GEM: variants seen among roughly 807,000 people sequenced by gnomAD.
GEM encodes the protein GTP-binding protein GEM.
Under a neutral mutation model 33.0 loss-of-function variants are expected in GEM, and 31 were observed. That is an observed-to-expected ratio of 0.94 (90% CI 0.71 to 1.27). The LOEUF (loss-of-function observed/expected upper bound fraction) is 1.27, where lower values mean the gene tolerates loss of function less well. Ranked by LOEUF, GEM falls within the 50% of genes most tolerant of loss-of-function variation. The probability of loss-of-function intolerance (pLI) is 0.00; values close to 1 mark genes in which losing one functional copy is unlikely to be tolerated. For synonymous variants in GEM, 141 were observed against 143.7 expected, an observed-to-expected ratio of 0.98 and a Z score of 0.13; for missense variants, 354 against 390.5, an observed-to-expected ratio of 0.91 and a Z score of 0.79.
chr8:94,262,278 C>A lies in GEM; in HGVS notation c.-198G>T, dbSNP rs572301256. ...GCGCTGGGATACCCGGGCCAACGAG[C>A]GGGGAGTGCTGCGCTGTGCCCGCCG... On this transcript the variant is annotated 5_prime_UTR_variant, in exon 1 of 5. Coordinates refer to ENST00000297596, the MANE Select transcript of GEM (RefSeq NM_005261.4). 9 of 152,160 alleles carry A rather than the reference C, an allele frequency of 5.9e-5. No homozygotes were observed. The highest frequency in any genetic ancestry group is 1.9e-4 in the African/African-American group (8 of 41,426). The allele number at this position is 152,160 out of a possible 1,614,324, so 9.4% of individuals were successfully genotyped here.
rs568267104 is a variant in GEM at position 94,250,300 on chromosome 8, C to T, written c.*10G>A. 1.9e-6 allele frequency: 3 copies of T among 1,603,526 alleles called. No individual in the cohort carries two copies. Among genetic ancestry groups the T allele is most frequent in the Admixed American group, 3.4e-5 (2 of 59,240 alleles). On this transcript the variant is annotated 3_prime_UTR_variant, in exon 5 of 5. Coordinates refer to ENST00000297596, the MANE Select transcript of GEM (RefSeq NM_005261.4). ...GGCCATCAAAGGGACATCTGGGTGACCCTGGGTTCCTAGAGTACAGAGAGG... is the reference window on the plus strand; with the variant it reads ...GGCCATCAAAGGGACATCTGGGTGATCCTGGGTTCCTAGAGTACAGAGAGG...
Position 94,250,077 on chromosome 8 carries a change from A to G in GEM, c.*233T>C, listed in dbSNP as rs1301749052. 2 of 522,170 alleles carry G rather than the reference A, an allele frequency of 3.8e-6. No homozygotes were observed. The highest frequency in any genetic ancestry group is 3.8e-5 in the African/African-American group (2 of 52,264). The allele number at this position is 522,170 out of a possible 1,614,324, so 32.3% of individuals were successfully genotyped here. On this transcript the variant is annotated 3_prime_UTR_variant, in exon 5 of 5. Coordinates refer to ENST00000297596, the MANE Select transcript of GEM (RefSeq NM_005261.4). ...TGTGAACACCAAACACATCCTCTAAAGAGTCTTGGGTGTTCAAATAGCAAG... is the reference window on the plus strand; with the variant it reads ...TGTGAACACCAAACACATCCTCTAAGGAGTCTTGGGTGTTCAAATAGCAAG...
At position 94,252,106 on chromosome 8, in the gene GEM, G is replaced by C. The variant is rs777120814; in HGVS notation, c.526C>G (p.Arg176Gly). The C allele has an allele frequency of 6.2e-7, 1 of 1,613,978 alleles. No individual in the cohort carries two copies. The highest frequency in any genetic ancestry group is 2.2e-5 in the East Asian group (1 of 44,878). ...ATGTCCTCTGTCTGCCGGGCCCTGC[G>C]GAGCTGGATTCGCAGCTCAGATGCC... is the stretch of plus-strand genomic sequence containing the variant. ...EKASELRIQL[R>G]RARQTEDIPI... Residue 176 changes from arginine (R) to glycine (G), a missense_variant, in exon 4 of 5, where the codon CGC (arginine) becomes GGC (glycine). Coordinates refer to ENST00000297596, the MANE Select transcript of GEM (RefSeq NM_005261.4).
intron 2 of GEM, among the ~76,000 whole-genome samples, chr8:94,255,675 A>C (rs1405273092): frequency 1.3e-5 from 2 of 152,234 alleles, no homozygotes; most frequent in African/African-American, 4.8e-5. Context: ...ACCAGACTCT[A>C]GGAGAGCTCT....
In GEM at chr8:94,262,212, G is replaced by C. The variant is rs1809038887; in HGVS notation, c.-132C>G. ...TCGGGCCGTCCCCCTTACTTGGCTC[G>C]GCCGGATCGGCGTCGGGGCGTCAGC... On this transcript the variant is annotated 5_prime_UTR_variant, in exon 1 of 5. Coordinates refer to ENST00000297596, the MANE Select transcript of GEM (RefSeq NM_005261.4). The C allele has an allele frequency of 1.3e-5, 2 of 152,214 alleles. 1 individual carries two copies. The highest frequency in any genetic ancestry group is 1.3e-4 in the Admixed American group (2 of 15,284). 9.4% of individuals were successfully genotyped at this position (152,214 alleles called of 1,614,324 possible).
At chr8:94,254,776 C>T (rs1436488448) in intron 2 of GEM, among the ~76,000 whole-genome samples, 1 of 152,156 alleles carries the variant, frequency 6.6e-6, no homozygotes, top group Non-Finnish European at 1.5e-5. Flanking sequence ...AAAACTTGGA[C>T]AAATAAGAAG....
At position 94,260,472 on chromosome 8, in the gene GEM, C is replaced by T. The variant is rs556308745; in HGVS notation, c.32G>A (p.Gly11Asp). The T allele has an allele frequency of 1.9e-5, 30 of 1,608,974 alleles. No individual in the cohort carries two copies. In the Admixed American group the frequency reaches 4.8e-4, roughly 26 times the overall value. ...CTGCTGTGGCTGCATGCCCACAGTGCCCTGGCGCATGGTGACATTATTCAG... is the reference window on the plus strand; with the variant it reads ...CTGCTGTGGCTGCATGCCCACAGTGTCCTGGCGCATGGTGACATTATTCAG... MTLNNVTMRQ[G>D]TVGMQPQQQR... Residue 11 changes from glycine (G) to aspartate (D), a missense_variant, in exon 2 of 5, where the codon GGC (glycine) becomes GAC (aspartate). By Grantham distance (94) the Gly-to-Asp change is moderately conservative. Transcript: ENST00000297596.
At chr8:94,258,998 C>A (rs114100558) in intron 2 of GEM, among the ~76,000 whole-genome samples, 1 of 152,230 alleles carries the variant, frequency 6.6e-6, no homozygotes, top group African/African-American at 2.4e-5. Flanking sequence ...TCTTTCCTAG[C>A]AAGTCACCTG....
At chr8:94,260,792 TC>T (rs1274016081) in intron 1 of GEM, 3 of 310,068 alleles carry the variant, frequency 9.7e-6, no homozygotes, top group African/African-American at 6.3e-5. Flanking sequence ...CCCATGGGCT[TC>T]CCCCTTCCTC....
At position 94,249,406 on chromosome 8, in the gene GEM, G is replaced by A. The variant is rs746650472; in HGVS notation, c.*904C>T. On this transcript the variant is annotated 3_prime_UTR_variant, in exon 5 of 5. Coordinates refer to ENST00000297596, the MANE Select transcript of GEM (RefSeq NM_005261.4). ...TATCAAATGTTAAAATGGTTATTTT[G>A]CAAAATAATAATAAATAGAGCAGAG... 1 of 152,048 alleles carries A rather than the reference G, an allele frequency of 6.6e-6. No homozygotes were observed. Among genetic ancestry groups the A allele is most frequent in the African/African-American group, 2.4e-5 (1 of 41,406 alleles). 9.4% of individuals were successfully genotyped at this position (152,048 alleles called of 1,614,324 possible).
chr8:94,256,706 G>A (rs2129767983), intron 2 of GEM, among the ~76,000 whole-genome samples: 1 of 152,204 alleles, frequency 6.6e-6, no homozygotes, highest in South Asian at 2.1e-4. Context: ...AGCTCCACGG[G>A]CCCCAGCCAA....
chr8:94,254,826 C>A (rs1808852657), intron 2 of GEM, among the ~76,000 whole-genome samples: 1 of 152,084 alleles, frequency 6.6e-6, no homozygotes, highest in African/African-American at 2.4e-5. Context: ...TGTGAGTTTC[C>A]CCACCTCCCA....
rs1277426619 is a variant in GEM, at chr8:94,260,209, G to A, written c.295C>T (p.His99Tyr). ...TCGCAGTCGCTGTCCATGCTGTCAT[G>A]CACACCTGCAAAGATGTTGGCCAGA... is the stretch of plus-strand genomic sequence containing the variant. ...STLANIFAGV[H>Y]DSMDSDCEVL... Residue 99 changes from histidine to tyrosine, a missense_variant, in exon 2 of 5, where the codon CAT becomes TAT. Coordinates refer to ENST00000297596, the MANE Select transcript of GEM (RefSeq NM_005261.4). 6.2e-7 allele frequency: 1 copy of A among 1,608,950 alleles called. No homozygotes were observed. Among genetic ancestry groups the A allele is most frequent in the South Asian group, 1.1e-5 (1 of 91,022 alleles).
intron 4 of GEM, among the ~76,000 whole-genome samples, chr8:94,251,517 A>G (rs1334777461): frequency 6.6e-6 from 1 of 152,206 alleles, no homozygotes; most frequent in East Asian, 1.9e-4. Flanking sequence ...CACTCAGCAG[A>G]TAGAGATTTT....
At chr8:94,252,900 C>T in intron 3 of GEM, 136 bp downstream of exon 3, 1 of 602,108 alleles carries the variant, frequency 1.7e-6, no homozygotes, top group Non-Finnish European at 2.9e-6. Context: ...CATTCTTCAG[C>T]AGTATGCTTT....
chr8:94,261,299 T>G (rs1809018341), intron 1 of GEM, among the ~76,000 whole-genome samples: 2 of 152,140 alleles, frequency 1.3e-5, no homozygotes, highest in Non-Finnish European at 2.9e-5. Context: ...GCAGAGAAAG[T>G]GCCTCATTCT....
At chr8:94,257,383 TG>T (rs2129770083) in intron 2 of GEM, among the ~76,000 whole-genome samples, 1 of 152,250 alleles carries the variant, frequency 6.6e-6, no homozygotes, top group Non-Finnish European at 1.5e-5. Context: ...GGTTTTACCA[TG>T]TTGGCCAGGC....
In GEM at chr8:94,250,368, T is replaced by C. The variant is rs752653844; in HGVS notation, c.833A>G (p.Asn278Ser). The stretch of plus-strand genomic sequence containing the variant: ...CTTGAGCTTGAAGGCCATATTCTTG[T>C]TGTTTTTGGCCACGATCTTGCCCCA... ...RFWGKIVAKN[N>S]KNMAFKLKSK... Residue 278 changes from asparagine to serine, a missense_variant, in exon 5 of 5, where the codon AAC becomes AGC. Transcript: ENST00000297596. 8 of 1,614,144 alleles carry C rather than the reference T, an allele frequency of 5.0e-6. No individual in the cohort carries two copies. In the South Asian group the frequency reaches 8.8e-5, roughly 18 times the overall value.
chr8:94,257,836 AT>A (rs949623528), intron 2 of GEM, among the ~76,000 whole-genome samples: 3 of 151,056 alleles, frequency 2.0e-5, no homozygotes, highest in African/African-American at 7.3e-5. Flanking sequence ...TATTATGTCG[AT>A]TTTTTTTCTT....
Sources: allele counts gnomAD v4.1 joint callset (sites outside exome capture counted in the v4.1 genomes callset), GRCh38; gene constraint gnomAD v4.1.1; transcripts MANE v1.5; gene names NCBI Gene and HGNC (gene_info 2026-07-23, HGNC 2026-07-21).